The following TMPRSS11A variants were observed in gnomAD, a reference collection of about 807,000 sequenced individuals.
The protein encoded by TMPRSS11A is transmembrane serine protease 11A, also known as transmembrane protease serine 11A.
A neutral mutation model predicts 58.9 loss-of-function variants in TMPRSS11A; 53 were observed. That is an observed-to-expected ratio of 0.90 (90% CI 0.72 to 1.13). The LOEUF (loss-of-function observed/expected upper bound fraction) is 1.13. TMPRSS11A is among the 50% of genes most tolerant of loss of function. The probability of loss-of-function intolerance (pLI) is 0.00; values close to 1 mark genes in which losing one functional copy is unlikely to be tolerated. For synonymous variants in TMPRSS11A, 167 were observed against 169.8 expected (o/e 0.98, Z 0.13); for missense variants, 493 against 499.3 (o/e 0.99, Z 0.12).
At chr4:67,950,236 T>C (rs184355870) in intron 1 of TMPRSS11A, among the ~76,000 whole-genome samples, 119 of 152,298 alleles carry the variant, frequency 7.8e-4, no homozygotes, top group African/African-American at 2.5e-3. Flanking sequence ...TCCAAGCTCA[T>C]TTAGGTATTA....
chr4:67,935,527 A>G (rs201828033), intron 3 of TMPRSS11A, among the ~76,000 whole-genome samples: 2 of 152,020 alleles, frequency 1.3e-5, no homozygotes, highest in East Asian at 3.9e-4. Flanking sequence ...TATTTATGCA[A>G]TATATTCACT....
chr4:67,962,265 T>C (rs1721449588), intron 1 of TMPRSS11A, among the ~76,000 whole-genome samples: 1 of 152,092 alleles, frequency 6.6e-6, no homozygotes, highest in Non-Finnish European at 1.5e-5. Flanking sequence ...TACTATGTGA[T>C]TACTGAAGGA....
At chr4:67,912,107 T>C (rs1213015892) in intron 9 of TMPRSS11A, among the ~76,000 whole-genome samples, 1 of 152,170 alleles carries the variant, frequency 6.6e-6, no homozygotes, top group African/African-American at 2.4e-5. Flanking sequence ...TTTTTTGCTT[T>C]CCTAGAATTA....
chr4:67,923,282 C>A (rs1720380413), intron 6 of TMPRSS11A, among the ~76,000 whole-genome samples: 1 of 152,130 alleles, frequency 6.6e-6, no homozygotes, highest in Non-Finnish European at 1.5e-5. Flanking sequence ...CCACCAACTC[C>A]TGGTCTAATT....
intron 3 of TMPRSS11A, among the ~76,000 whole-genome samples, chr4:67,939,921 T>G (rs894496433): frequency 6.6e-6 from 1 of 152,178 alleles, no homozygotes; most frequent in Non-Finnish European, 1.5e-5. Context: ...ACTTCTGACC[T>G]CAGGTAATTT....
chr4:67,922,953 A>G, intron 6 of TMPRSS11A, 27 bp from the exon 7 acceptor site: 1 of 1,608,870 alleles, frequency 6.2e-7, no homozygotes, highest in Non-Finnish European at 8.5e-7. Flanking sequence ...TCATTAAGTT[A>G]TAAGAAACAT....
At chr4:67,917,396 G>A (rs1373156096) in intron 8 of TMPRSS11A, among the ~76,000 whole-genome samples, 1 of 151,726 alleles carries the variant, frequency 6.6e-6, no homozygotes, top group East Asian at 1.9e-4. Flanking sequence ...AAGCATTTGG[G>A]GATTTTTATG....
chr4:67,937,675 C>T (rs1300702327), intron 3 of TMPRSS11A, among the ~76,000 whole-genome samples: 2 of 151,976 alleles, frequency 1.3e-5, no homozygotes, highest in African/African-American at 2.4e-5. Context: ...ATAAAAGTGC[C>T]TTCCTTGTGG....
At chr4:67,927,006 G>A (rs986435259) in intron 5 of TMPRSS11A, among the ~76,000 whole-genome samples, 1 of 152,132 alleles carries the variant, frequency 6.6e-6, no homozygotes, top group Admixed American at 6.5e-5. Flanking sequence ...CTAGGAGCTG[G>A]ACACTTGTTG....
At chr4:67,938,951 A>G (rs1320661906) in intron 3 of TMPRSS11A, among the ~76,000 whole-genome samples, 1 of 151,968 alleles carries the variant, frequency 6.6e-6, no homozygotes, top group Non-Finnish European at 1.5e-5. Flanking sequence ...TGTGTGGAAA[A>G]TTATGTTGGT....
intron 2 of TMPRSS11A, among the ~76,000 whole-genome samples, chr4:67,944,902 C>A (rs1720965801): frequency 6.6e-6 from 1 of 152,104 alleles, no homozygotes; most frequent in Non-Finnish European, 1.5e-5. Flanking sequence ...TTGGTATCAC[C>A]TTCATTTTAC....
intron 9 of TMPRSS11A, among the ~76,000 whole-genome samples, chr4:67,912,894 G>A (rs1328242680): frequency 4.6e-5 from 7 of 151,790 alleles, no homozygotes; most frequent in East Asian, 3.9e-4. Context: ...TTGTACACTC[G>A]CGTTTTATGT....
At chr4:67,939,882 T>A (rs142055993) in intron 3 of TMPRSS11A, among the ~76,000 whole-genome samples, 4 of 152,204 alleles carry the variant, frequency 2.6e-5, no homozygotes, top group African/African-American at 9.6e-5. Context: ...ACAGATGGGG[T>A]TTCACCATGT....
intron 2 of TMPRSS11A, among the ~76,000 whole-genome samples, chr4:67,945,190 G>A (rs17088798): frequency 0.015 from 2,303 of 152,214 alleles, 67 homozygotes; most frequent in African/African-American, 0.052. Flanking sequence ...AAGACAAGAC[G>A]AGCATGAAAC....
chr4:67,940,996 C>T (rs59315757), intron 3 of TMPRSS11A, among the ~76,000 whole-genome samples: 5,075 of 152,172 alleles, frequency 0.033, 255 homozygotes, highest in African/African-American at 0.11. Flanking sequence ...GATGGCCAGC[C>T]GGCAGTAATC....
Position 67,929,901 on chromosome 4 carries a change from C to G in TMPRSS11A, c.460G>C (p.Ala154Pro), listed in dbSNP as rs886815331. The G allele has an allele frequency of 6.2e-7, 1 of 1,612,724 alleles. No homozygotes were observed. The highest frequency in any genetic ancestry group is 1.3e-5 in the African/African-American group (1 of 74,892). ...TTACCATTAACTTGAACTGATGAGG[C>G]ATTTATTGGCAAGGCTCTTAAATTC... ...IRNLRALPINASSVQVNAMSS... is the reference protein window; with the variant it reads ...IRNLRALPINPSSVQVNAMSS... The change falls in exon 5 of 10, where the codon GCC becomes CCC. Residue 154 changes from alanine (A) to proline (P), a missense_variant. Coordinates refer to ENST00000508048, the MANE Select transcript of TMPRSS11A (RefSeq NM_001114387.2).
chr4:67,927,182 A>G (rs1020774119), intron 5 of TMPRSS11A, among the ~76,000 whole-genome samples: 5 of 152,164 alleles, frequency 3.3e-5, no homozygotes, highest in Non-Finnish European at 7.3e-5. Context: ...CAAGACTGAA[A>G]GAGCTGTAAC....
At chr4:67,958,706 C>T (rs1043665512) in intron 1 of TMPRSS11A, among the ~76,000 whole-genome samples, 3 of 152,046 alleles carry the variant, frequency 2.0e-5, no homozygotes, top group African/African-American at 7.2e-5. Flanking sequence ...AGGCATGATT[C>T]GTTTTAAAAT....
At position 67,910,466 on chromosome 4, in the gene TMPRSS11A, A is replaced by G. The variant is rs1165435973; in HGVS notation, c.*876T>C. On this transcript the variant is annotated 3_prime_UTR_variant, in exon 10 of 10. Coordinates refer to ENST00000508048, the MANE Select transcript of TMPRSS11A (RefSeq NM_001114387.2). ...AAATGCTTATTTTTTTCAGGCATTT[A>G]ACCCTACAATAATAATGCACAAAAT... is the stretch of plus-strand genomic sequence containing the variant. The G allele has an allele frequency of 6.6e-6, 1 of 152,038 alleles. No homozygotes were observed. The highest frequency in any genetic ancestry group is 1.5e-5 in the Non-Finnish European group (1 of 67,956). The allele number at this position is 152,038 out of a possible 1,614,324, so 9.4% of individuals were successfully genotyped here. A position where few individuals can be genotyped will look rare whatever the true frequency, so the allele number is the denominator to read the frequency against.
Sources: allele counts gnomAD v4.1 joint callset (sites outside exome capture counted in the v4.1 genomes callset), GRCh38; gene constraint gnomAD v4.1.1; transcripts MANE v1.5; gene names NCBI Gene and HGNC (gene_info 2026-07-23, HGNC 2026-07-21).